The following ANKS1B variants were observed in gnomAD, a reference collection of about 807,000 sequenced individuals.
ANKS1B encodes the protein ankyrin repeat and sterile alpha motif domain containing 1B.
In ANKS1B, 36 loss-of-function variants were observed where a neutral mutation model predicts 148.3. The ratio of observed to expected loss-of-function variants is 0.24; its 90% CI spans 0.19 to 0.32. ANKS1B has a LOEUF of 0.32. ANKS1B is among the 10% of genes least tolerant of loss of function. The probability of loss-of-function intolerance (pLI) is 1.00; values close to 1 mark genes in which losing one functional copy is unlikely to be tolerated. For missense variants in ANKS1B, 1,157 were observed against 1,542.6 expected (o/e 0.75, Z 4.19); for synonymous variants, 542 against 560.8 (o/e 0.97, Z 0.47).
At chr12:99,399,041 C>G (rs1035577935) in intron 12 of ANKS1B, among the ~76,000 whole-genome samples, 1 of 152,038 alleles carries the variant, frequency 6.6e-6, no homozygotes, top group Non-Finnish European at 1.5e-5. Flanking sequence ...TCTAATATGT[C>G]CCTTGGCCTT....
rs2079198836 is a variant in ANKS1B at position 99,182,241 on chromosome 12, C to A, written c.2420-27846G>T. Among the ~76,000 whole-genome samples the A allele has an allele frequency of 2.6e-5, 4 of 152,200 alleles. No homozygotes were observed. The South Asian group carries it at 6.2e-4, about 24-fold the overall frequency. On this transcript the variant is annotated intron_variant, in intron 14 of 26. Transcript: ENST00000683438. ...CATGAGAACAGCATGGGGGAAACCA[C>A]CCCCACGATTCAATCACCTCCTACC...
At chr12:99,670,546 G>A (rs2098532698) in intron 8 of ANKS1B, among the ~76,000 whole-genome samples, 1 of 151,928 alleles carries the variant, frequency 6.6e-6, no homozygotes, top group South Asian at 2.1e-4. Context: ...TGTCTACAAG[G>A]CTGAACTCTA....
At chr12:99,637,814 A>AAT (rs901316020) in intron 9 of ANKS1B, among the ~76,000 whole-genome samples, 15 of 147,296 alleles carry the variant, frequency 1.0e-4, no homozygotes, top group Admixed American at 2.7e-4. Flanking sequence ...ATATATATAT[A>AAT]ATATATATAT....
intron 12 of ANKS1B, among the ~76,000 whole-genome samples, chr12:99,302,685 T>TATCA (rs1163407086): frequency 1.3e-5 from 2 of 152,152 alleles, no homozygotes; most frequent in Non-Finnish European, 1.5e-5. Context: ...CAGTATCATC[T>TATCA]ATCAAATATT....
chr12:99,653,761 C>T lies in ANKS1B; in HGVS notation c.1272+1306G>A, dbSNP rs142000099. Among the ~76,000 whole-genome samples, 575 of 148,720 alleles carry T rather than the reference C, an allele frequency of 3.9e-3. 26 individuals are homozygous for T. The East Asian group carries it at 0.065, about 17-fold the overall frequency. Reference sequence around the variant, plus strand: ...GCAGTGGTATGATCACAGCTCAATGCAGCCTCAACCTCCCATCTCAGCCTC... The same window carrying T: ...GCAGTGGTATGATCACAGCTCAATGTAGCCTCAACCTCCCATCTCAGCCTC... On this transcript the variant is annotated intron_variant, in intron 9 of 26. Transcript: ENST00000683438.
intron 10 of ANKS1B, among the ~76,000 whole-genome samples, chr12:99,459,999 T>C (rs1158051897): frequency 6.6e-6 from 1 of 152,080 alleles, no homozygotes; most frequent in Non-Finnish European, 1.5e-5. Flanking sequence ...TTACTGAACT[T>C]CAAACTATAC....
At chr12:98,768,564 C>G (rs1387644247) in intron 25 of ANKS1B, among the ~76,000 whole-genome samples, 1 of 151,440 alleles carries the variant, frequency 6.6e-6, no homozygotes, top group African/African-American at 2.4e-5. Context: ...GAAACCCGGT[C>G]TCTACTAAAA....
rs1268366517 is a variant in ANKS1B at position 98,882,584 on chromosome 12, G to T, written c.2779-50448C>A. Reference sequence around the variant, plus strand: ...TGTGATTTACTGTGTACTTTCTCAAGAATGCACAGTAAGTAAATCAACAGT... The same window carrying T: ...TGTGATTTACTGTGTACTTTCTCAATAATGCACAGTAAGTAAATCAACAGT... On this transcript the variant is annotated intron_variant, in intron 17 of 26. Transcript: ENST00000683438. Among the ~76,000 whole-genome samples the T allele has an allele frequency of 2.0e-5, 3 of 152,106 alleles. No individual in the cohort carries two copies. In the East Asian group the frequency reaches 5.8e-4, roughly 29 times the overall value.
At chr12:99,502,598 T>C (rs1021217494) in intron 10 of ANKS1B, among the ~76,000 whole-genome samples, 7 of 152,130 alleles carry the variant, frequency 4.6e-5, no homozygotes, top group African/African-American at 1.7e-4. Context: ...CAAGGTCAAG[T>C]ACCAAATCTA....
intron 9 of ANKS1B, among the ~76,000 whole-genome samples, chr12:99,643,298 G>A (rs1441093949): frequency 6.6e-6 from 1 of 152,124 alleles, no homozygotes; most frequent in Non-Finnish European, 1.5e-5. Context: ...TCAAGCATGA[G>A]TCAGACGCAT....
At chr12:98,869,695 G>A (rs2099643405) in intron 17 of ANKS1B, among the ~76,000 whole-genome samples, 1 of 32,178 alleles carries the variant, frequency 3.1e-5, no homozygotes, top group African/African-American at 2.6e-4. Flanking sequence ...ATATGTATGT[G>A]TGTGTATGTG....
intron 1 of ANKS1B, among the ~76,000 whole-genome samples, chr12:99,935,364 A>AAAAC (rs1458778464): frequency 6.6e-6 from 1 of 151,772 alleles, no homozygotes; most frequent in African/African-American, 2.4e-5. Context: ...TGACAAAAAA[A>AAAAC]AAAAAAAACT....
chr12:99,718,003 A>C lies in ANKS1B; in HGVS notation c.1128+54919T>G, dbSNP rs1280563391. Among the ~76,000 whole-genome samples, 334 of 142,806 alleles carry C rather than the reference A, an allele frequency of 2.3e-3. 1 individual carries two copies. Among genetic ancestry groups the C allele is most frequent in the African/African-American group, 8.1e-3 (309 of 38,128 alleles). 93.7% of individuals were successfully genotyped at this position (142,806 alleles called of 152,430 possible). On this transcript the variant is annotated intron_variant, in intron 8 of 26. Transcript: ENST00000683438. ...ACTGCAAGCTCCGCCTCCCGGGTTC[A>C]CGCCATTCTCCTGCCTCAGCCTCCC...
intron 17 of ANKS1B, among the ~76,000 whole-genome samples, chr12:98,859,436 C>T (rs1004163082): frequency 3.3e-5 from 5 of 152,076 alleles, no homozygotes; most frequent in South Asian, 2.1e-4. Context: ...TAATTCAGTG[C>T]GGGGAGATTA....
chr12:99,923,814 T>C (rs1390674598), intron 1 of ANKS1B, among the ~76,000 whole-genome samples: 2 of 152,076 alleles, frequency 1.3e-5, no homozygotes, highest in Non-Finnish European at 2.9e-5. Context: ...GGTAAACTCA[T>C]TATGGGCAGA....
intron 15 of ANKS1B, among the ~76,000 whole-genome samples, chr12:99,126,526 A>G (rs2064409675): frequency 6.6e-6 from 1 of 152,126 alleles, no homozygotes; most frequent in Admixed American, 6.5e-5. Context: ...CCTGCTCTGA[A>G]TCACTGAGTA....
intron 14 of ANKS1B, among the ~76,000 whole-genome samples, chr12:99,185,275 G>A (rs2079666609): frequency 6.6e-6 from 1 of 152,214 alleles, no homozygotes; most frequent in African/African-American, 2.4e-5. Context: ...GCTTTCCAGT[G>A]TACGTTGAGC....
chr12:98,975,047 CCTTT>C (rs1198110259), intron 17 of ANKS1B, among the ~76,000 whole-genome samples: 2 of 121,398 alleles, frequency 1.6e-5, no homozygotes, highest in Admixed American at 8.8e-5. Context: ...TTCCTTCCTT[CCTTT>C]CCTTCCCTCC....
chr12:99,402,414 C>G (rs879775641), intron 11 of ANKS1B, among the ~76,000 whole-genome samples: 5 of 145,464 alleles, frequency 3.4e-5, no homozygotes, highest in Non-Finnish European at 7.6e-5. Context: ...TATTTTATCG[C>G]CCAGGTATTA....
Sources: allele counts gnomAD v4.1 joint callset (sites outside exome capture counted in the v4.1 genomes callset), GRCh38; gene constraint gnomAD v4.1.1; transcripts MANE v1.5; gene names NCBI Gene and HGNC (gene_info 2026-07-23, HGNC 2026-07-21).